Variants in GOLGA8B observed in about 807,000 individuals in gnomAD.
GOLGA8B encodes the protein golgin A8 family member B.
GOLGA8B carries 1 observed loss-of-function variant against 15.6 expected under a neutral mutation model. The observed-to-expected ratio is 0.06, with a 90% CI of 0.02 to 0.30. GOLGA8B has a LOEUF of 0.30. Among genes scored for constraint, GOLGA8B ranks in the 10% least tolerant of loss-of-function variants. GOLGA8B has a pLI of 1.00. For synonymous variants in GOLGA8B, 9 were observed against 80.3 expected, an observed-to-expected ratio of 0.11 and a Z score of 4.75; for missense variants, 17 against 201.3, an observed-to-expected ratio of 0.08 and a Z score of 5.54.
At chr15:34,554,387 C>T (rs1228979749) in intron 1 of GOLGA8B, among the ~76,000 whole-genome samples, 2 of 150,674 alleles carry the variant, frequency 1.3e-5, no homozygotes, top group Admixed American at 1.3e-4. Context: ...ATACCATGCC[C>T]ACCTCATACA....
chr15:34,573,912 A>C (rs905250937), intron 1 of GOLGA8B, among the ~76,000 whole-genome samples: 29 of 151,314 alleles, frequency 1.9e-4, no homozygotes, highest in Non-Finnish European at 1.3e-4. Flanking sequence ...TGGTTGAGGA[A>C]CTGGGGGAGG....
intron 1 of GOLGA8B, among the ~76,000 whole-genome samples, chr15:34,575,620 G>T: frequency 6.6e-6 from 1 of 151,978 alleles, no homozygotes; most frequent in East Asian, 1.9e-4. Flanking sequence ...TATGCCCAGG[G>T]TGCCACACTC....
rs1888179103 is a variant in GOLGA8B, at chr15:34,532,795, C to T, written c.285+51G>A. 15 of 1,361,420 alleles carry T rather than the reference C, an allele frequency of 1.1e-5. 2 individuals are homozygous for T. The highest frequency in any genetic ancestry group is 2.7e-5 in the African/African-American group (2 of 72,844). 84.3% of individuals were successfully genotyped at this position (1,361,420 alleles called of 1,614,324 possible). A position where few individuals can be genotyped will look rare whatever the true frequency, so the allele number is the denominator to read the frequency against. ...CTTCTTCAGGGCCCCAAGGGGAAACCGGAGCCCAGGATTGGCAGCGTGGAA... is the reference window on the plus strand; with the variant it reads ...CTTCTTCAGGGCCCCAAGGGGAAACTGGAGCCCAGGATTGGCAGCGTGGAA... On this transcript the variant is annotated intron_variant, in intron 11 of 23. Coordinates refer to ENST00000683415, the MANE Select transcript of GOLGA8B (RefSeq NM_001023567.5).
chr15:34,572,693 T>G (rs1566935614), intron 1 of GOLGA8B, among the ~76,000 whole-genome samples: 2 of 152,168 alleles, frequency 1.3e-5, no homozygotes, highest in Non-Finnish European at 1.5e-5. Context: ...GTGGTGAAGT[T>G]AGGGGGAAGC....
At chr15:34,572,299 A>G (rs1432296479) in intron 1 of GOLGA8B, among the ~76,000 whole-genome samples, 1 of 152,242 alleles carries the variant, frequency 6.6e-6, no homozygotes, top group Non-Finnish European at 1.5e-5. Context: ...CAGCCCCGCA[A>G]GTCCACTTCT....
chr15:34,543,390 A>G (rs1888244859), intron 7 of GOLGA8B, among the ~76,000 whole-genome samples: 1 of 144,140 alleles, frequency 6.9e-6, no homozygotes, highest in African/African-American at 2.6e-5. Context: ...TATTTTTTGG[A>G]GAAACGAGTT....
At chr15:34,549,165 C>T (rs1209002220) in intron 4 of GOLGA8B, among the ~76,000 whole-genome samples, 1 of 78,052 alleles carries the variant, frequency 1.3e-5, no homozygotes, top group African/African-American at 4.4e-5. Flanking sequence ...AAAAAAATTT[C>T]GATGGACCTA....
intron 1 of GOLGA8B, among the ~76,000 whole-genome samples, chr15:34,576,764 C>T (rs1308617124): frequency 2.0e-5 from 3 of 152,198 alleles, no homozygotes; most frequent in Admixed American, 6.5e-5. Context: ...TGGCCAAAAT[C>T]GGTCCATTCA....
chr15:34,577,649 T>C (rs1040875451), intron 1 of GOLGA8B, among the ~76,000 whole-genome samples: 2 of 152,074 alleles, frequency 1.3e-5, no homozygotes, highest in African/African-American at 4.8e-5. Context: ...GCATACATTA[T>C]ACAAACCTAC....
chr15:34,529,933 G>GT, intron 17 of GOLGA8B, 34 bp downstream of exon 17: 1 of 2,288 alleles, frequency 4.4e-4, no homozygotes, highest in African/African-American at 8.2e-4. Context: ...GGTGGGGGGG[G>GT]GGTGGGGCGG....
chr15:34,560,980 T>C lies in GOLGA8B; in HGVS notation c.-1122-7024A>G, dbSNP rs560929570. On this transcript the variant is annotated intron_variant, in intron 1 of 23. Transcript: ENST00000683415. The stretch of plus-strand genomic sequence containing the variant: ...CAAAACCAAATGGAATTCTCCCTAG[T>C]TCTGCAGCTCTGGGGGCTGTAAGCG... 2.5e-4 allele frequency among the ~76,000 whole-genome samples: 37 copies of C among 145,364 alleles called. 2 individuals carry two copies. In the South Asian group the frequency reaches 4.5e-3, roughly 18 times the overall value.
At chr15:34,538,807 G>GTCAGTGACCTTGGTCTGCTTGTTTCAAC (rs1244623662) in intron 7 of GOLGA8B, among the ~76,000 whole-genome samples, 5 of 67,540 alleles carry the variant, frequency 7.4e-5, no homozygotes, top group Non-Finnish European at 1.5e-4. Context: ...CCAAGCTAAG[G>GTCAGTGACCTTGGTCTGCTTGTTTCAAC]TCAAACAGTG....
intron 4 of GOLGA8B, 57 bp from the exon 5 acceptor site, chr15:34,547,039 A>G (rs1386447777): frequency 1.0e-5 from 1 of 97,496 alleles, no homozygotes; most frequent in Non-Finnish European, 1.9e-5. Context: ...AGAAAGTTCA[A>G]TCATAAGATA....
intron 1 of GOLGA8B, among the ~76,000 whole-genome samples, chr15:34,582,019 G>A (rs928653715): frequency 1.3e-5 from 2 of 152,116 alleles, no homozygotes; most frequent in Non-Finnish European, 2.9e-5. Context: ...CAAGTTCCAC[G>A]TGTCCTTAAC....
chr15:34,567,051 C>T (rs1406363018), intron 1 of GOLGA8B, among the ~76,000 whole-genome samples: 1 of 118,646 alleles, frequency 8.4e-6, no homozygotes, highest in Non-Finnish European at 1.8e-5. Flanking sequence ...GGGGAGAGTA[C>T]CCACAGATTC....
rs111901501 is a variant in GOLGA8B, at chr15:34,571,798, T to C, written c.-1123+11718A>G. Among the ~76,000 whole-genome samples, 3 of 152,068 alleles carry C rather than the reference T, an allele frequency of 2.0e-5. No individual in the cohort carries two copies. The South Asian group carries it at 6.2e-4, about 32-fold the overall frequency. ...AGTAAGATACAAAATTCAGGAGTAA[T>C]TAAAGCAAGCTTGATAGTTTTAACA... is the stretch of plus-strand genomic sequence containing the variant. On this transcript the variant is annotated intron_variant, in intron 1 of 23. Transcript: ENST00000683415.
In GOLGA8B at chr15:34,579,877, T is replaced by C. The variant is rs1346229657; in HGVS notation, c.-1123+3639A>G. Among the ~76,000 whole-genome samples the C allele has an allele frequency of 5.3e-5, 8 of 152,372 alleles. No homozygotes were observed. In the South Asian group the frequency reaches 6.2e-4, roughly 12 times the overall value. ...GGATCCAGAGGTGAACAAAGTCTTT[T>C]ACATTTGAGTGATAAGAGACTGACA... On this transcript the variant is annotated intron_variant, in intron 1 of 23. Coordinates refer to ENST00000683415, the MANE Select transcript of GOLGA8B (RefSeq NM_001023567.5).
At chr15:34,569,005 C>T (rs1307884560) in intron 1 of GOLGA8B, among the ~76,000 whole-genome samples, 1 of 150,044 alleles carries the variant, frequency 6.7e-6, no homozygotes, top group African/African-American at 2.5e-5. Flanking sequence ...ACAGGCCTCC[C>T]ATGTCCCAGG....
At chr15:34,578,494 A>G (rs1207252330) in intron 1 of GOLGA8B, among the ~76,000 whole-genome samples, 6 of 152,166 alleles carry the variant, frequency 3.9e-5, no homozygotes, top group Non-Finnish European at 8.8e-5. Flanking sequence ...GAGAGAAAAC[A>G]TGGGCCTCAC....
Sources: gnomAD v4.1 joint callset for allele counts (sites outside exome capture counted in the v4.1 genomes callset) on GRCh38, gnomAD v4.1.1 for gene constraint, MANE v1.5 for transcripts, NCBI Gene and HGNC (gene_info 2026-07-23, HGNC 2026-07-21) for gene names.